Variants in PIGQ observed in about 807,000 individuals in gnomAD.
PIGQ encodes the protein phosphatidylinositol N-acetylglucosaminyltransferase subunit Q.
Under a neutral mutation model 60.3 loss-of-function variants are expected in PIGQ, and 54 were observed. That is an observed-to-expected ratio of 0.90 (90% CI 0.72 to 1.12). PIGQ has a LOEUF of 1.12. Among genes scored for constraint, PIGQ ranks in the 50% most tolerant of loss-of-function variants. The pLI is 0.00. For missense variants in PIGQ, 799 were observed against 793.5 expected (o/e 1.01, Z -0.08); for synonymous variants, 416 against 363.7 (o/e 1.14, Z -1.64).
chr16:579,241 A>G, intron 7 of PIGQ, 61 bp downstream of exon 7: 1 of 1,398,416 alleles, frequency 7.2e-7, no homozygotes, highest in Non-Finnish European at 1.0e-6. Context: ...CCGCTGGGCC[A>G]GCGCGGTGCT....
chr16:574,466 A>G lies in PIGQ; in HGVS notation c.392A>G (p.Tyr131Cys), dbSNP rs766564554. 10 of 1,610,528 alleles carry G rather than the reference A, an allele frequency of 6.2e-6. No homozygotes were observed. The highest frequency in any genetic ancestry group is 2.2e-5 in the South Asian group (2 of 90,580). The change falls in exon 2 of 11, where the codon TAT becomes TGT. Residue 131 changes from tyrosine (Y) to cysteine (C), a missense_variant. Physicochemically the swap from Tyr to Cys is radical, Grantham distance 194 (BLOSUM62 -2). Coordinates refer to ENST00000321878, the MANE Select transcript of PIGQ (RefSeq NM_004204.5). ...PGEDQVMLIF[Y>C]DQRQVLLSQL... ...GAGGACCAGGTCATGCTCATCTTCT[A>G]TGACCAGCGCCAGGTGTTGCTGTCA... is the stretch of plus-strand genomic sequence containing the variant.
chr16:577,147 C>T (rs1240088872), intron 4 of PIGQ: 1 of 152,246 alleles, frequency 6.6e-6, no homozygotes, highest in Admixed American at 6.5e-5. Flanking sequence ...TCCGCACCTG[C>T]CACCGGCCTA....
rs1852350496 is a variant in PIGQ, at chr16:574,548, C to T, written c.474C>T (p.Ser158=). ...GCCAGGCTGGAGCCACCACTGCCAGCACGGGGGGCCTGGCTGCCGTCTTCG... is the reference window on the plus strand; with the variant it reads ...GCCAGGCTGGAGCCACCACTGCCAGTACGGGGGGCCTGGCTGCCGTCTTCG... ...PDRQAGATTA[S]TGGLAAVFDT... is the part of the protein sequence containing the mutation. Residue 158 remains serine, a synonymous_variant, in exon 2 of 11, where the codon AGC becomes AGT. Transcript: ENST00000321878. 5 of 1,604,708 alleles carry T rather than the reference C, an allele frequency of 3.1e-6. No homozygotes were observed. Among genetic ancestry groups the T allele is most frequent in the Non-Finnish European group, 4.3e-6 (5 of 1,176,214 alleles).
chr16:582,813 C>T, intron 10 of PIGQ, 70 bp from the exon 11 acceptor site: 1 of 1,489,542 alleles, frequency 6.7e-7, no homozygotes, highest in Non-Finnish European at 9.1e-7. Flanking sequence ...AACTGCCCGC[C>T]CCCACCCTCT....
chr16:582,276 C>A lies in PIGQ; in HGVS notation c.1560C>A (p.His520Gln). 2 of 1,606,514 alleles carry A rather than the reference C, an allele frequency of 1.2e-6. No homozygotes were observed. The highest frequency in any genetic ancestry group is 1.7e-6 in the Non-Finnish European group (2 of 1,176,278). ...AAGVKFRVLRHEAGRPLRLLM... is the reference protein window; with the variant it reads ...AAGVKFRVLRQEAGRPLRLLM... The stretch of plus-strand genomic sequence containing the variant: ...GCGTGAAGTTCCGTGTCCTCCGGCA[C>A]GAGGCCGGCAGGCCCCTCCGCCTCC... Residue 520 changes from histidine (H) to glutamine (Q), a missense_variant, in exon 10 of 11, where the codon CAC (histidine) becomes CAA (glutamine). By Grantham distance (24) the His-to-Gln change is conservative. Transcript: ENST00000321878.
Position 582,872 on chromosome 16 carries a change from T to C in PIGQ, c.1594-11T>C. On this transcript the variant is annotated splice_polypyrimidine_tract_variant and intron_variant, in intron 10 of 10. Coordinates refer to ENST00000321878, the MANE Select transcript of PIGQ (RefSeq NM_004204.5). The stretch of plus-strand genomic sequence containing the variant: ...AGACCACCCCACTGACCGCTGCCCT[T>C]GTCCTTCCAGATAAACCCACTGCCC... 1.3e-6 allele frequency: 2 copies of C among 1,589,650 alleles called. No homozygotes were observed. The highest frequency in any genetic ancestry group is 1.7e-6 in the Non-Finnish European group (2 of 1,165,198).
At chr16:571,081 G>C (rs1474758506) in intron 1 of PIGQ, among the ~76,000 whole-genome samples, 51 of 21,054 alleles carry the variant, frequency 2.4e-3, no homozygotes, top group African/African-American at 7.2e-3. Flanking sequence ...GTGTGTGTGT[G>C]TGTGTGTGTG....
Position 583,438 on chromosome 16 carries a change from T to G in PIGQ, c.*403T>G, listed in dbSNP as rs2035846972. On this transcript the variant is annotated 3_prime_UTR_variant, in exon 11 of 11. Coordinates refer to ENST00000321878, the MANE Select transcript of PIGQ (RefSeq NM_004204.5). The stretch of plus-strand genomic sequence containing the variant: ...TGGGGGCTCCCCAGTGGCTCTGCCC[T>G]GGCTGTGGGGGTGGAGGGACCTTGC... 1.2e-6 allele frequency: 2 copies of G among 1,612,596 alleles called. No individual in the cohort carries two copies. The highest frequency in any genetic ancestry group is 2.7e-5 in the African/African-American group (2 of 74,922).
rs535219055 is a variant in PIGQ at position 575,488 on chromosome 16, G to A, written c.690-351G>A. On this transcript the variant is annotated intron_variant, in intron 2 of 10. Coordinates refer to ENST00000321878, the MANE Select transcript of PIGQ (RefSeq NM_004204.5). ...GGTGAGAAGCTAGGCCAGCCCAGGA[G>A]ACCCCGGGCAGCTTTCTGGGCCCTG... Among the ~76,000 whole-genome samples, 5 of 152,312 alleles carry A rather than the reference G, an allele frequency of 3.3e-5. No individual in the cohort carries two copies. The South Asian group carries it at 6.2e-4, about 19-fold the overall frequency.
chr16:570,641 T>A (rs2035603885), intron 1 of PIGQ: 2 of 152,228 alleles, frequency 1.3e-5, no homozygotes, highest in South Asian at 4.1e-4. Flanking sequence ...AATTTCTGTA[T>A]TTTTAGTAGA....
In PIGQ at chr16:574,095, C is replaced by T. The variant is rs758037706; in HGVS notation, c.21C>T (p.Phe7=). The T allele has an allele frequency of 1.1e-5, 17 of 1,606,030 alleles. No homozygotes were observed. The highest frequency in any genetic ancestry group is 1.4e-5 in the Non-Finnish European group (17 of 1,177,218). The change falls in exon 2 of 11, where the codon TTC becomes TTT. Residue 7 remains phenylalanine, a synonymous_variant. Coordinates refer to ENST00000321878, the MANE Select transcript of PIGQ (RefSeq NM_004204.5). The part of the protein sequence containing the change: MVLKAF[F]PTCCVSTDSG... The stretch of plus-strand genomic sequence containing the variant: ...CCGGCATGGTGCTCAAGGCCTTCTT[C>T]CCCACGTGCTGCGTCTCGACGGACA...
chr16:576,790 C>T, intron 4 of PIGQ: 1 of 369,036 alleles, frequency 2.7e-6, no homozygotes, highest in Middle Eastern at 7.0e-4. Flanking sequence ...GCAGCCCCCT[C>T]CTCTGCAGAT....
In PIGQ at chr16:574,653, G is replaced by T; in HGVS notation, c.579G>T (p.Ser193=). The change falls in exon 2 of 11, where the codon TCG becomes TCT. Residue 193 remains serine (S), a synonymous_variant. Transcript: ENST00000321878. The part of the protein sequence containing the change: ...EGPVRLSHWQ[S]EGVEASILAE... The stretch of plus-strand genomic sequence containing the variant: ...CCGTGCGGCTGAGCCACTGGCAGTC[G>T]GAGGGCGTGGAGGCCAGCATCCTCG... 1 of 1,607,566 alleles carries T rather than the reference G, an allele frequency of 6.2e-7. No homozygotes were observed. Among genetic ancestry groups the T allele is most frequent in the Non-Finnish European group, 8.5e-7 (1 of 1,178,988 alleles).
At chr16:575,743 G>A in intron 2 of PIGQ, 96 bp from the exon 3 acceptor site, 3 of 1,332,362 alleles carry the variant, frequency 2.3e-6, no homozygotes, top group Non-Finnish European at 3.1e-6. Flanking sequence ...CTGAGCTCAG[G>A]AGTGTGGCCT....
At chr16:577,368 G>C (rs1163286579) in intron 4 of PIGQ, 1 of 152,062 alleles carries the variant, frequency 6.6e-6, no homozygotes, top group Admixed American at 6.5e-5. Flanking sequence ...ATGAGGTCAG[G>C]AGATCGAGAC....
In PIGQ at chr16:574,164, C is replaced by T. The variant is rs1298565308; in HGVS notation, c.90C>T (p.Ala30=). The T allele has an allele frequency of 5.0e-6, 8 of 1,612,538 alleles. No individual in the cohort carries two copies. The highest frequency in any genetic ancestry group is 1.3e-5 in the African/African-American group (1 of 74,930). ...VGRWVPEQSS[A]VVLAVLHFPF... ...GGTGGGTGCCGGAGCAGAGCAGCGC[C>T]GTGGTCCTGGCGGTCCTGCACTTTC... Residue 30 remains alanine, a synonymous_variant, in exon 2 of 11, where the codon GCC becomes GCT. Coordinates refer to ENST00000321878, the MANE Select transcript of PIGQ (RefSeq NM_004204.5).
At chr16:572,888 T>G (rs2035657500) in intron 1 of PIGQ, among the ~76,000 whole-genome samples, 1 of 152,244 alleles carries the variant, frequency 6.6e-6, no homozygotes, top group Non-Finnish European at 1.5e-5. Context: ...CAGGCCAAGC[T>G]ATGTCCCTCC....
chr16:581,239 T>C (rs1480744019), intron 9 of PIGQ: 7 of 1,411,176 alleles, frequency 5.0e-6, no homozygotes, highest in South Asian at 1.3e-5. Context: ...GCCTTTGTTC[T>C]TCTGCCTTGG....
Position 582,298 on chromosome 16 carries a change from C to T in PIGQ, c.1582C>T (p.Leu528Phe). The change falls in exon 10 of 11, where the codon CTC becomes TTC. Residue 528 changes from leucine to phenylalanine, a missense_variant. Coordinates refer to ENST00000321878, the MANE Select transcript of PIGQ (RefSeq NM_004204.5). ...GCACGAGGCCGGCAGGCCCCTCCGC[C>T]TCCTGATGCAGGTGAGGCCCCTTGT... ...LRHEAGRPLR[L>F]LMQINPLPYS... is the part of the protein sequence containing the mutation. 6.2e-7 allele frequency: 1 copy of T among 1,601,036 alleles called. No homozygotes were observed. Among genetic ancestry groups the T allele is most frequent in the African/African-American group, 1.3e-5 (1 of 74,838 alleles).
Sources: gnomAD v4.1 joint callset for allele counts (sites outside exome capture counted in the v4.1 genomes callset) on GRCh38, gnomAD v4.1.1 for gene constraint, MANE v1.5 for transcripts, NCBI Gene and HGNC (gene_info 2026-07-23, HGNC 2026-07-21) for gene names.